ZFP41: variants seen among roughly 807,000 people sequenced by gnomAD.
ZFP41 encodes the protein zinc finger protein 41 homolog.
A neutral mutation model predicts 11.6 loss-of-function variants in ZFP41; 10 were observed. The observed-to-expected ratio is 0.86, with a 90% CI of 0.53 to 1.47. The LOEUF is 1.47. ZFP41 is among the 40% of genes most tolerant of loss of function. ZFP41 has a pLI of 0.00. For synonymous variants in ZFP41, 123 were observed against 100.9 expected, an observed-to-expected ratio of 1.22 and a Z score of -1.31; for missense variants, 302 against 264.6, an observed-to-expected ratio of 1.14 and a Z score of -0.98.
At position 143,250,296 on chromosome 8, in the gene ZFP41, C is replaced by CT; in HGVS notation, c.456dup (p.Asn153Ter). ...TCAAATGCGGGGAGTGCGGGAAAGC[C>CT]TTTAACTGCGGCTCCAATCTCCTGA... On this transcript the variant is annotated frameshift_variant, in exon 2 of 3. Transcript: ENST00000330701. LOFTEE classifies it high-confidence loss of function. The CT allele has an allele frequency of 6.2e-7, 1 of 1,614,096 alleles. No individual in the cohort carries two copies. Among genetic ancestry groups the CT allele is most frequent in the Non-Finnish European group, 8.5e-7 (1 of 1,180,036 alleles).
At chr8:143,258,261 C>G (rs1382050764) in intron 2 of ZFP41, among the ~76,000 whole-genome samples, 1 of 152,234 alleles carries the variant, frequency 6.6e-6, no homozygotes, top group Non-Finnish European at 1.5e-5. Flanking sequence ...GTTGACACTT[C>G]AGTGAACTGG....
chr8:143,255,461 C>T (rs1322818931), intron 2 of ZFP41, among the ~76,000 whole-genome samples: 1 of 150,532 alleles, frequency 6.6e-6, no homozygotes, highest in East Asian at 2.0e-4. Flanking sequence ...AGGGCTCACC[C>T]CGCGTCTAGT....
In ZFP41 at chr8:143,254,586, G is replaced by C. The variant is rs1461693165; in HGVS notation, c.*900+3246G>C. Among the ~76,000 whole-genome samples, 3 of 150,348 alleles carry C rather than the reference G, an allele frequency of 2.0e-5. No individual in the cohort carries two copies. In the South Asian group the frequency reaches 6.4e-4, roughly 32 times the overall value. ...ATTTGGTTTGATTTTACTTATGATA[G>C]TATGATCGTTGCTTTTCCCCGTTAC... On this transcript the variant is annotated intron_variant, in intron 2 of 2. Coordinates refer to ENST00000330701, the MANE Select transcript of ZFP41 (RefSeq NM_173832.6).
intron 2 of ZFP41, among the ~76,000 whole-genome samples, chr8:143,257,453 C>T (rs1449510122): frequency 6.6e-6 from 1 of 152,098 alleles, no homozygotes; most frequent in African/African-American, 2.4e-5. Context: ...GCCAAGATCA[C>T]GCCATTGCAC....
chr8:143,253,873 T>G (rs1814840658), intron 2 of ZFP41, among the ~76,000 whole-genome samples: 1 of 152,020 alleles, frequency 6.6e-6, no homozygotes, highest in South Asian at 2.1e-4. Flanking sequence ...TGGGACCAGT[T>G]TTTTCCGTGG....
At chr8:143,255,341 C>T (rs1394884551) in intron 2 of ZFP41, among the ~76,000 whole-genome samples, 1 of 152,248 alleles carries the variant, frequency 6.6e-6, no homozygotes, top group Non-Finnish European at 1.5e-5. Context: ...TAATACGTGA[C>T]GTCGTAAGCA....
At chr8:143,255,932 G>A (rs13248804) in intron 2 of ZFP41, among the ~76,000 whole-genome samples, 4 of 71,924 alleles carry the variant, frequency 5.6e-5, no homozygotes, top group Admixed American at 1.5e-4. Context: ...ATCACGGCTC[G>A]CCCCGCGTGC....
At chr8:143,258,926 A>G (rs1178424241) in intron 2 of ZFP41, among the ~76,000 whole-genome samples, 1 of 152,234 alleles carries the variant, frequency 6.6e-6, no homozygotes. Flanking sequence ...GGCACCAGGC[A>G]GCAGCACAGT....
rs1156924789 is a variant in ZFP41, at chr8:143,249,732, C to G, written c.-112C>G. ...CCCTTGGCCTCCTGGTGCAGAGCAT[C>G]AGTCCCACGCTGGGAGTGTGGAGAG... On this transcript the variant is annotated 5_prime_UTR_variant, in exon 2 of 3. In the 5' UTR this introduces an upstream ATG that the reference lacks. Transcript: ENST00000330701. The G allele has an allele frequency of 6.9e-6, 10 of 1,455,738 alleles. No homozygotes were observed. The African/African-American group carries it at 1.4e-4, about 21-fold the overall frequency. The allele number at this position is 1,455,738 out of a possible 1,614,324, so 90.2% of individuals were successfully genotyped here.
chr8:143,250,266 G>T lies in ZFP41; in HGVS notation c.423G>T (p.Lys141Asn). The T allele has an allele frequency of 6.2e-7, 1 of 1,614,124 alleles. No individual in the cohort carries two copies. Among genetic ancestry groups the T allele is most frequent in the Non-Finnish European group, 8.5e-7 (1 of 1,180,048 alleles). ...TKHQRTHTGE[K>N]PFKCGECGKA... The stretch of plus-strand genomic sequence containing the variant: ...ACCAGAGGACTCACACGGGAGAGAA[G>T]CCCTTCAAATGCGGGGAGTGCGGGA... Residue 141 changes from lysine (K) to asparagine (N), a missense_variant, in exon 2 of 3, where the codon AAG becomes AAT. Coordinates refer to ENST00000330701, the MANE Select transcript of ZFP41 (RefSeq NM_173832.6).
chr8:143,250,000 A>C lies in ZFP41; in HGVS notation c.157A>C (p.Ser53Arg). Residue 53 changes from serine (S) to arginine (R), a missense_variant, in exon 2 of 3, where the codon AGT (serine) becomes CGT (arginine). Ser to Arg is a moderately radical substitution (Grantham distance 110). Transcript: ENST00000330701. ...PRKPRTEPCL[S>R]PEDEEHVFDA... ...GAAGCCCCGCACAGAGCCCTGCCTG[A>C]GTCCTGAAGACGAAGAGCACGTCTT... is the stretch of plus-strand genomic sequence containing the variant. 6.2e-7 allele frequency: 1 copy of C among 1,614,182 alleles called. No individual in the cohort carries two copies. Among genetic ancestry groups the C allele is most frequent in the Non-Finnish European group, 8.5e-7 (1 of 1,180,030 alleles).
In ZFP41 at chr8:143,254,252, C is replaced by A. The variant is rs188378763; in HGVS notation, c.*900+2912C>A. Among the ~76,000 whole-genome samples the A allele has an allele frequency of 8.3e-4, 127 of 152,372 alleles. 2 individuals are homozygous for A. Among genetic ancestry groups the A allele is most frequent in the Admixed American group, 7.8e-3 (119 of 15,308 alleles). ...CTGCAGAACCGCCAGCCACGTAAACCTCGTTACAAAAACTTACCCAGCCTC... is the reference window on the plus strand; with the variant it reads ...CTGCAGAACCGCCAGCCACGTAAACATCGTTACAAAAACTTACCCAGCCTC... On this transcript the variant is annotated intron_variant, in intron 2 of 2. Coordinates refer to ENST00000330701, the MANE Select transcript of ZFP41 (RefSeq NM_173832.6).
rs1447861377 is a variant in ZFP41 at position 143,260,560 on chromosome 8, G to A, written c.*1686G>A. On this transcript the variant is annotated 3_prime_UTR_variant, in exon 3 of 3. Transcript: ENST00000330701. ...AAGCCACAACCCAGAAACTTCTCAG[G>A]AGCATGGCGCACCCACACCAGCCCC... is the stretch of plus-strand genomic sequence containing the variant. 1 of 166,564 alleles carries A rather than the reference G, an allele frequency of 6.0e-6. No homozygotes were observed. The allele number at this position is 166,564 out of a possible 1,614,324, so 10.3% of individuals were successfully genotyped here.
rs1348307907 is a variant in ZFP41, at chr8:143,249,472, AC to A, written c.-154-214del. Reference sequence around the variant, plus strand: ...TGTGGACATGGTGTGCAGACCCGGAACCCCGGCAGAGGAGCAAGGATTCCTT... The same window carrying A: ...TGTGGACATGGTGTGCAGACCCGGAACCCGGCAGAGGAGCAAGGATTCCTT... On this transcript the variant is annotated intron_variant, in intron 1 of 2. Coordinates refer to ENST00000330701, the MANE Select transcript of ZFP41 (RefSeq NM_173832.6). The A allele has an allele frequency of 3.2e-5, 6 of 187,664 alleles. No homozygotes were observed. The East Asian group carries it at 7.6e-4, about 24-fold the overall frequency. 11.6% of individuals were successfully genotyped at this position (187,664 alleles called of 1,614,324 possible).
Position 143,250,448 on chromosome 8 carries a change from C to A in ZFP41, c.*8C>A. On this transcript the variant is annotated 3_prime_UTR_variant, in exon 2 of 3. Transcript: ENST00000330701. ...CCTCGGAAGAAGCCCTGAGCCGGGG[C>A]CATCTGCGGACTCGGGCCCTGCGGT... 2 of 1,605,646 alleles carry A rather than the reference C, an allele frequency of 1.2e-6. No homozygotes were observed. The highest frequency in any genetic ancestry group is 8.5e-7 in the Non-Finnish European group (1 of 1,175,164).
chr8:143,250,507 C>A lies in ZFP41; in HGVS notation c.*67C>A. 1 of 1,557,656 alleles carries A rather than the reference C, an allele frequency of 6.4e-7. No individual in the cohort carries two copies. Among genetic ancestry groups the A allele is most frequent in the South Asian group, 1.2e-5 (1 of 82,862 alleles). ...CGCCGGACACCTGCTCCGTGGCTCC[C>A]TCGTGTCCCGCGTCTGATGGGGGCG... On this transcript the variant is annotated 3_prime_UTR_variant, in exon 2 of 3. Transcript: ENST00000330701.
rs376874452 is a variant in ZFP41 at position 143,247,362 on chromosome 8, G to A, written c.-155+220G>A. 14 of 152,328 alleles carry A rather than the reference G, an allele frequency of 9.2e-5. No homozygotes were observed. The East Asian group carries it at 2.5e-3, about 27-fold the overall frequency. 9.4% of individuals were successfully genotyped at this position (152,328 alleles called of 1,614,324 possible). A position where few individuals can be genotyped will look rare whatever the true frequency, so the allele number is the denominator to read the frequency against. On this transcript the variant is annotated intron_variant, in intron 1 of 2. Coordinates refer to ENST00000330701, the MANE Select transcript of ZFP41 (RefSeq NM_173832.6). Reference sequence around the variant, plus strand: ...TAACTAGGAGCACGCACGGGACCCTGGCGGGCCCCTCCGCCTGGCTCAGAT... The same window carrying A: ...TAACTAGGAGCACGCACGGGACCCTAGCGGGCCCCTCCGCCTGGCTCAGAT...
intron 2 of ZFP41, among the ~76,000 whole-genome samples, chr8:143,256,037 C>G (rs1158294125): frequency 1.6e-5 from 1 of 63,824 alleles, no homozygotes. Flanking sequence ...AGGGCTCACC[C>G]CGCGTGCTGG....
In ZFP41 at chr8:143,250,212, C is replaced by T. The variant is rs1170028408; in HGVS notation, c.369C>T (p.Ala123=). 5 of 1,613,960 alleles carry T rather than the reference C, an allele frequency of 3.1e-6. No homozygotes were observed. The highest frequency in any genetic ancestry group is 2.7e-5 in the African/African-American group (2 of 74,896). The change falls in exon 2 of 3, where the codon GCC becomes GCT. Residue 123 remains alanine (A), a synonymous_variant. Coordinates refer to ENST00000330701, the MANE Select transcript of ZFP41 (RefSeq NM_173832.6). ...TCAAGTGTGCGCAGTGCGGGAAGGC[C>T]TTCCGGCACAGCTCTGACGTCACCA... is the stretch of plus-strand genomic sequence containing the variant. The part of the protein sequence containing the change: ...KPFKCAQCGK[A]FRHSSDVTKH...
Sources: allele counts gnomAD v4.1 joint callset (sites outside exome capture counted in the v4.1 genomes callset), GRCh38; gene constraint gnomAD v4.1.1; transcripts MANE v1.5; gene names NCBI Gene and HGNC (gene_info 2026-07-23, HGNC 2026-07-21).